Variants in UGT1A10 observed in about 807,000 individuals in gnomAD.
UGT1A10 encodes UDP glucuronosyltransferase family 1 member A10.
UGT1A10 carries 49 observed loss-of-function variants against 45.8 expected under a neutral mutation model. The observed-to-expected ratio is 1.07, with a 90% CI of 0.85 to 1.36. UGT1A10 has a LOEUF of 1.36. Ranked by LOEUF, UGT1A10 falls within the 40% of genes most tolerant of loss-of-function variation. The pLI is 0.00. For synonymous variants in UGT1A10, 284 were observed against 249.7 expected, an observed-to-expected ratio of 1.14 and a Z score of -1.29; for missense variants, 745 against 668.6, an observed-to-expected ratio of 1.11 and a Z score of -1.26.
chr2:233,696,158 A>G (rs2075328796), intron 1 of UGT1A10, among the ~76,000 whole-genome samples: 1 of 152,220 alleles, frequency 6.6e-6, no homozygotes, highest in Non-Finnish European at 1.5e-5. Flanking sequence ...TATATATCCA[A>G]AAGAAAAAAA....
chr2:233,687,583 TAAAAAAAAAAAAAAA>T (rs71398794), intron 1 of UGT1A10, among the ~76,000 whole-genome samples: 8 of 107,454 alleles, frequency 7.4e-5, no homozygotes, highest in Non-Finnish European at 5.7e-5. Flanking sequence ...ACATTCTTTG[TAAAAAAAAAAAAAAA>T]AAAAAAAAAG....
chr2:233,729,873 C>A, intron 1 of UGT1A10: 1 of 1,613,864 alleles, frequency 6.2e-7, no homozygotes, highest in Non-Finnish European at 8.5e-7. Context: ...TGGATATTCT[C>A]AGTCATGCAT....
chr2:233,758,044 A>G (rs1696783059), intron 1 of UGT1A10, among the ~76,000 whole-genome samples: 1 of 152,170 alleles, frequency 6.6e-6, no homozygotes, highest in African/African-American at 2.4e-5. Context: ...CTTTCAGGCA[A>G]GGACCATTTC....
At chr2:233,691,409 G>A in intron 1 of UGT1A10, 1 of 985,558 alleles carries the variant, frequency 1.0e-6, no homozygotes, top group Non-Finnish European at 1.2e-6. Context: ...TGTCCTTGGA[G>A]TGGCCCCTCT....
intron 1 of UGT1A10, among the ~76,000 whole-genome samples, chr2:233,664,943 C>T (rs1409777530): frequency 1.3e-5 from 2 of 152,160 alleles, no homozygotes; most frequent in Non-Finnish European, 2.9e-5. Context: ...TAAAGATACT[C>T]TTTTTGGGAA....
At chr2:233,640,980 C>G (rs912360814) in intron 1 of UGT1A10, among the ~76,000 whole-genome samples, 11 of 152,204 alleles carry the variant, frequency 7.2e-5, no homozygotes, top group African/African-American at 2.4e-4. Context: ...AGCCCTCCTG[C>G]AAAAATAACA....
intron 1 of UGT1A10, chr2:233,754,615 C>G (rs1360410521): frequency 2.3e-6 from 1 of 438,040 alleles, no homozygotes; most frequent in Non-Finnish European, 4.6e-6. Context: ...TCTCCATCTT[C>G]CTCCACTTCC....
At chr2:233,690,208 T>C (rs181844455) in intron 1 of UGT1A10, among the ~76,000 whole-genome samples, 3 of 152,264 alleles carry the variant, frequency 2.0e-5, no homozygotes, top group African/African-American at 7.2e-5. Flanking sequence ...AAATTCAATG[T>C]TTGCCATTTT....
In UGT1A10 at chr2:233,772,560, G is replaced by A. The variant is rs773424672; in HGVS notation, c.*1G>A. On this transcript the variant is annotated 3_prime_UTR_variant, in exon 5 of 5. Coordinates refer to ENST00000344644, the MANE Select transcript of UGT1A10 (RefSeq NM_019075.4). Reference sequence around the variant, plus strand: ...AGCCCACAAATCCAAGACCCATTGAGAAGTGGGTGGGAAATAAGGTAAAAT... The same window carrying A: ...AGCCCACAAATCCAAGACCCATTGAAAAGTGGGTGGGAAATAAGGTAAAAT... 4 of 1,613,722 alleles carry A rather than the reference G, an allele frequency of 2.5e-6. No homozygotes were observed. The South Asian group carries it at 3.3e-5, about 13-fold the overall frequency.
intron 1 of UGT1A10, among the ~76,000 whole-genome samples, chr2:233,678,189 A>T (rs918890565): frequency 6.6e-6 from 1 of 152,206 alleles, no homozygotes; most frequent in African/African-American, 2.4e-5. Context: ...AGGCTGCAAG[A>T]GTTGAAAAAC....
At chr2:233,718,298 C>T (rs563376367) in intron 1 of UGT1A10, among the ~76,000 whole-genome samples, 1 of 152,358 alleles carries the variant, frequency 6.6e-6, no homozygotes, top group South Asian at 2.1e-4. Flanking sequence ...CCAGCCTGAA[C>T]ACTCTCTGTT....
chr2:233,758,658 T>A lies in UGT1A10; in HGVS notation c.856-8376T>A, dbSNP rs188603135. 5.3e-5 allele frequency among the ~76,000 whole-genome samples: 8 copies of A among 152,318 alleles called. No individual in the cohort carries two copies. In the East Asian group the frequency reaches 1.5e-3, roughly 29 times the overall value. ...TAAGGAGAAGAATGAGAGGGTACCCTAATTACCTGTTAATATGTCCCATAG... is the reference window on the plus strand; with the variant it reads ...TAAGGAGAAGAATGAGAGGGTACCCAAATTACCTGTTAATATGTCCCATAG... On this transcript the variant is annotated intron_variant, in intron 1 of 4. Coordinates refer to ENST00000344644, the MANE Select transcript of UGT1A10 (RefSeq NM_019075.4).
chr2:233,745,956 G>A (rs1296712691), intron 1 of UGT1A10, among the ~76,000 whole-genome samples: 5 of 151,652 alleles, frequency 3.3e-5, no homozygotes, highest in Admixed American at 2.6e-4. Context: ...GCAACTGGGG[G>A]ACAGGGGCCC....
At chr2:233,692,689 G>A (rs2075110228) in intron 1 of UGT1A10, among the ~76,000 whole-genome samples, 1 of 152,206 alleles carries the variant, frequency 6.6e-6, no homozygotes, top group South Asian at 2.1e-4. Context: ...GGGGTCCTCA[G>A]GGGTCTCTCC....
intron 1 of UGT1A10, chr2:233,693,506 G>T: frequency 6.2e-7 from 1 of 1,614,138 alleles, no homozygotes; most frequent in Non-Finnish European, 8.5e-7. Flanking sequence ...CCTACCATCT[G>T]TGTACCTCTT....
intron 1 of UGT1A10, among the ~76,000 whole-genome samples, chr2:233,731,327 G>A (rs538271655): frequency 1.1e-4 from 17 of 148,560 alleles, no homozygotes; most frequent in African/African-American, 4.0e-4. Context: ...GGGTACATGT[G>A]CACAAATTGC....
chr2:233,707,616 T>C (rs557217534), intron 1 of UGT1A10, among the ~76,000 whole-genome samples: 2 of 152,218 alleles, frequency 1.3e-5, no homozygotes, highest in East Asian at 3.9e-4. Context: ...TTGTGGATTG[T>C]CAGTACTGAA....
At chr2:233,687,531 G>T (rs551653016) in intron 1 of UGT1A10, among the ~76,000 whole-genome samples, 2 of 146,212 alleles carry the variant, frequency 1.4e-5, no homozygotes, top group South Asian at 4.4e-4. Context: ...CTTGCCCAAG[G>T]TTATGCCTCA....
chr2:233,749,178 ACTT>A (rs1418442763), intron 1 of UGT1A10, among the ~76,000 whole-genome samples: 1 of 151,644 alleles, frequency 6.6e-6, no homozygotes, highest in Non-Finnish European at 1.5e-5. Flanking sequence ...TTATTTCTGT[ACTT>A]CTTTTTATTA....
Sources: gnomAD v4.1 joint callset for allele counts (sites outside exome capture counted in the v4.1 genomes callset) on GRCh38, gnomAD v4.1.1 for gene constraint, MANE v1.5 for transcripts, NCBI Gene and HGNC (gene_info 2026-07-23, HGNC 2026-07-21) for gene names.